Variants in PDZRN4 observed in about 807,000 individuals in gnomAD.
PDZRN4 encodes the protein PDZ domain-containing RING finger protein 4.
Under a neutral mutation model 99.0 loss-of-function variants are expected in PDZRN4, and 70 were observed. The ratio of observed to expected loss-of-function variants is 0.71; its 90% CI spans 0.58 to 0.86. The LOEUF (loss-of-function observed/expected upper bound fraction) is 0.86, where lower values mean the gene tolerates loss of function less well. Among genes scored for constraint, PDZRN4 ranks in the 40% least tolerant of loss-of-function variants. The pLI, the probability that PDZRN4 is intolerant of heterozygous loss-of-function variation, is 0.00. For synonymous variants in PDZRN4, 551 were observed against 501.6 expected (o/e 1.10, Z -1.32); for missense variants, 1,474 against 1,331.2 (o/e 1.11, Z -1.67).
At chr12:41,253,235 A>C (rs746016054) in intron 3 of PDZRN4, among the ~76,000 whole-genome samples, 5 of 152,164 alleles carry the variant, frequency 3.3e-5, no homozygotes, top group Non-Finnish European at 5.9e-5. Context: ...ACACAAAAAA[A>C]TCTTTGCCTA....
At chr12:41,261,604 C>G (rs1489900638) in intron 3 of PDZRN4, among the ~76,000 whole-genome samples, 1 of 152,166 alleles carries the variant, frequency 6.6e-6, no homozygotes, top group East Asian at 1.9e-4. Flanking sequence ...ATTCTCCTGC[C>G]TCAGCCTCTC....
chr12:41,533,574 C>G (rs980613358), intron 5 of PDZRN4, among the ~76,000 whole-genome samples: 1 of 152,214 alleles, frequency 6.6e-6, no homozygotes. Flanking sequence ...ACCAGCTTCT[C>G]TAAGTATTTT....
chr12:41,219,349 A>G (rs1465584645), intron 3 of PDZRN4, among the ~76,000 whole-genome samples: 1 of 152,076 alleles, frequency 6.6e-6, no homozygotes, highest in Non-Finnish European at 1.5e-5. Flanking sequence ...AATGGTAGGG[A>G]GAAGAAAACT....
intron 3 of PDZRN4, among the ~76,000 whole-genome samples, chr12:41,314,218 G>A (rs1239902479): frequency 6.6e-6 from 1 of 152,164 alleles, no homozygotes; most frequent in African/African-American, 2.4e-5. Flanking sequence ...CCCAGATGCT[G>A]TCAAGTTCTT....
intron 3 of PDZRN4, among the ~76,000 whole-genome samples, chr12:41,299,880 T>A (rs777692906): frequency 1.6e-4 from 25 of 151,990 alleles, no homozygotes; most frequent in Middle Eastern, 3.2e-3. Flanking sequence ...GATAATACTA[T>A]TTTATGATGC....
intron 3 of PDZRN4, among the ~76,000 whole-genome samples, chr12:41,484,831 A>G (rs1384533897): frequency 6.6e-6 from 1 of 152,102 alleles, no homozygotes; most frequent in Non-Finnish European, 1.5e-5. Flanking sequence ...GTTTTCCCTC[A>G]TTACAGGACA....
intron 3 of PDZRN4, among the ~76,000 whole-genome samples, chr12:41,420,599 C>T (rs560267300): frequency 1.3e-5 from 2 of 152,286 alleles, no homozygotes; most frequent in Non-Finnish European, 2.9e-5. Context: ...TCTTCTCAGT[C>T]TCTCTTGACC....
intron 3 of PDZRN4, among the ~76,000 whole-genome samples, chr12:41,505,069 G>A (rs1458005255): frequency 2.0e-5 from 3 of 152,042 alleles, no homozygotes; most frequent in Admixed American, 6.6e-5. Context: ...ACCCCAAAAC[G>A]CCCCACACTT....
At chr12:41,353,127 AT>A (rs569006740) in intron 3 of PDZRN4, among the ~76,000 whole-genome samples, 81 of 152,210 alleles carry the variant, frequency 5.3e-4, no homozygotes, top group African/African-American at 1.9e-3. Flanking sequence ...GATATACCAG[AT>A]ATTTTAATAT....
chr12:41,352,791 G>A (rs551336091), intron 3 of PDZRN4, among the ~76,000 whole-genome samples: 1 of 152,232 alleles, frequency 6.6e-6, no homozygotes, highest in South Asian at 2.1e-4. Context: ...AATGATAGGT[G>A]TGAGCATTGA....
In PDZRN4 at chr12:41,270,663, C is replaced by T. The variant is rs544403331; in HGVS notation, c.843+76475C>T. On this transcript the variant is annotated intron_variant, in intron 3 of 9. Coordinates refer to ENST00000402685, the MANE Select transcript of PDZRN4 (RefSeq NM_001164595.2). ...ACTGATTAATCATACAATAAATGTA[C>T]TTACTTTTGTAGTAACTATTTCTTG... Among the ~76,000 whole-genome samples the T allele has an allele frequency of 3.9e-5, 6 of 152,182 alleles. No homozygotes were observed. The South Asian group carries it at 1.2e-3, about 32-fold the overall frequency.
intron 3 of PDZRN4, among the ~76,000 whole-genome samples, chr12:41,229,426 G>C (rs769676719): frequency 1.3e-5 from 2 of 151,968 alleles, no homozygotes; most frequent in Non-Finnish European, 2.9e-5. Context: ...TGTTAAATCT[G>C]CTTTCTCATT....
chr12:41,572,710 A>C lies in PDZRN4; in HGVS notation c.1931A>C (p.Asp644Ala). 2 of 1,614,114 alleles carry C rather than the reference A, an allele frequency of 1.2e-6. No homozygotes were observed. The highest frequency in any genetic ancestry group is 1.7e-6 in the Non-Finnish European group (2 of 1,179,994). ...AAGATTCGAAATCATGGAGAGTATGACCTGTATTACTCAAGCAGCACAATT... is the reference window on the plus strand; with the variant it reads ...AAGATTCGAAATCATGGAGAGTATGCCCTGTATTACTCAAGCAGCACAATT... ...KCKIRNHGEY[D>A]LYYSSSTIEC... The change falls in exon 10 of 10, where the codon GAC becomes GCC. Residue 644 changes from aspartate (D) to alanine (A), a missense_variant. Transcript: ENST00000402685.
At chr12:41,454,479 A>C (rs1952802023) in intron 3 of PDZRN4, among the ~76,000 whole-genome samples, 1 of 152,214 alleles carries the variant, frequency 6.6e-6, no homozygotes. Context: ...CCAAATAATA[A>C]ATAAATAATA....
At chr12:41,551,308 T>A (rs1939050285) in intron 5 of PDZRN4, among the ~76,000 whole-genome samples, 1 of 152,126 alleles carries the variant, frequency 6.6e-6, no homozygotes, top group Non-Finnish European at 1.5e-5. Flanking sequence ...CTACCAAAGT[T>A]GATTACCTTT....
chr12:41,401,012 C>G (rs1346488993), intron 3 of PDZRN4, among the ~76,000 whole-genome samples: 2 of 152,092 alleles, frequency 1.3e-5, no homozygotes, highest in African/African-American at 2.4e-5. Context: ...CATGTTGAAG[C>G]ATTTTAAAAA....
chr12:41,243,951 G>C (rs1310939471), intron 3 of PDZRN4, among the ~76,000 whole-genome samples: 1 of 152,070 alleles, frequency 6.6e-6, no homozygotes, highest in Non-Finnish European at 1.5e-5. Context: ...TACTCTGATG[G>C]CTTGTATTTC....
chr12:41,555,997 T>G (rs1939155209), intron 7 of PDZRN4, among the ~76,000 whole-genome samples: 1 of 152,146 alleles, frequency 6.6e-6, no homozygotes, highest in Non-Finnish European at 1.5e-5. Flanking sequence ...AAATTTGACT[T>G]CTCTTCCAGC....
intron 3 of PDZRN4, among the ~76,000 whole-genome samples, chr12:41,203,787 G>A (rs544611025): frequency 5.9e-5 from 9 of 152,000 alleles, no homozygotes; most frequent in Non-Finnish European, 1.3e-4. Context: ...TGAAAAGTCC[G>A]TTGAAGCCAG....
Sources: allele counts gnomAD v4.1 joint callset (sites outside exome capture counted in the v4.1 genomes callset), GRCh38; gene constraint gnomAD v4.1.1; transcripts MANE v1.5; gene names NCBI Gene and HGNC (gene_info 2026-07-23, HGNC 2026-07-21).